The following FMN1 variants were observed in gnomAD, a reference collection of about 807,000 sequenced individuals.
FMN1 encodes formin-1.
A neutral mutation model predicts 132.4 loss-of-function variants in FMN1; 110 were observed. That is an observed-to-expected ratio of 0.83 (90% CI 0.71 to 0.97). FMN1 has a LOEUF of 0.97. Ranked by LOEUF, FMN1 falls within the 50% of genes least tolerant of loss-of-function variation. FMN1 has a pLI of 0.00. For synonymous variants in FMN1, 722 were observed against 651.7 expected, an observed-to-expected ratio of 1.11 and a Z score of -1.64; for missense variants, 1,792 against 1,705.3, an observed-to-expected ratio of 1.05 and a Z score of -0.90.
intron 5 of FMN1, among the ~76,000 whole-genome samples, chr15:33,082,304 C>A (rs1366789897): frequency 6.6e-6 from 1 of 152,100 alleles, no homozygotes. Context: ...AACTCCCGAC[C>A]TCAGGTGATC....
rs1036660149 is a variant in FMN1, at chr15:32,769,052, C to G, written c.*5258G>C. The G allele has an allele frequency of 2.0e-5, 3 of 152,138 alleles. No homozygotes were observed. Among genetic ancestry groups the G allele is most frequent in the African/African-American group, 7.2e-5 (3 of 41,424 alleles). The allele number at this position is 152,138 out of a possible 1,614,324, so 9.4% of individuals were successfully genotyped here. On this transcript the variant is annotated 3_prime_UTR_variant, in exon 21 of 21. Transcript: ENST00000616417. ...CTGGGGATAGAGGAGGAAATGAGTT[C>G]CGTAAGTTCCACCAGACAGCAGACC...
rs1407680523 is a variant in FMN1 at position 33,008,007 on chromosome 15, G to C, written c.2223+7C>G. ...AGAACCCGTTCAGTAGCATCAAAGA[G>C]GCATACCTGCAGGTTTTCAATTTCT... On this transcript the variant is annotated splice_region_variant and intron_variant, in intron 7 of 20. Transcript: ENST00000616417. 1 of 1,596,402 alleles carries C rather than the reference G, an allele frequency of 6.3e-7. No homozygotes were observed.
chr15:33,145,772 G>A (rs1171818489), intron 4 of FMN1, among the ~76,000 whole-genome samples: 1 of 151,726 alleles, frequency 6.6e-6, no homozygotes, highest in East Asian at 1.9e-4. Context: ...CATAGCTGAG[G>A]CCCAAGCTGC....
rs114617811 is a variant in FMN1 at position 32,817,042 on chromosome 15, C to T, written c.3929-12710G>A. On this transcript the variant is annotated intron_variant, in intron 17 of 20. Transcript: ENST00000616417. ...AAACTAAGAGAAGAAAGAAGCCATA[C>T]TTATACATGATTTACAATATACAGC... 5.0e-3 allele frequency among the ~76,000 whole-genome samples: 764 copies of T among 152,308 alleles called. 7 individuals are homozygous for T. Among genetic ancestry groups the T allele is most frequent in the African/African-American group, 0.017 (711 of 41,580 alleles).
chr15:32,771,006 C>T lies in FMN1; in HGVS notation c.*3304G>A, dbSNP rs1438931891. The T allele has an allele frequency of 1.3e-5, 2 of 151,832 alleles. No homozygotes were observed. Among genetic ancestry groups the T allele is most frequent in the East Asian group, 3.9e-4 (2 of 5,136 alleles). The allele number at this position is 151,832 out of a possible 1,614,324, so 9.4% of individuals were successfully genotyped here. Reference sequence around the variant, plus strand: ...GCCACACTTTTTCTTATTTCTTTTTCCCCAGTAAGCTGCCACTTATTGAGA... The same window carrying T: ...GCCACACTTTTTCTTATTTCTTTTTTCCCAGTAAGCTGCCACTTATTGAGA... On this transcript the variant is annotated 3_prime_UTR_variant, in exon 21 of 21. Transcript: ENST00000616417.
At chr15:32,872,701 G>C (rs2059544246) in intron 16 of FMN1, among the ~76,000 whole-genome samples, 1 of 152,180 alleles carries the variant, frequency 6.6e-6, no homozygotes, top group African/African-American at 2.4e-5. Flanking sequence ...GCTACAAAGA[G>C]GCCAGTGATT....
chr15:33,083,963 G>T (rs1277130120), intron 5 of FMN1, among the ~76,000 whole-genome samples: 1 of 152,132 alleles, frequency 6.6e-6, no homozygotes, highest in African/African-American at 2.4e-5. Context: ...ACAGTGCCAT[G>T]ACAGTTTGCA....
At chr15:32,961,430 G>A (rs1467055623) in intron 9 of FMN1, among the ~76,000 whole-genome samples, 1 of 152,028 alleles carries the variant, frequency 6.6e-6, no homozygotes, top group Non-Finnish European at 1.5e-5. Context: ...CACCGTACCC[G>A]GCCTGTAATC....
At chr15:33,115,939 C>G (rs2140148108) in intron 4 of FMN1, among the ~76,000 whole-genome samples, 1 of 152,222 alleles carries the variant, frequency 6.6e-6, no homozygotes, top group East Asian at 1.9e-4. Context: ...ACTAGATTCT[C>G]TCACACACCT....
intron 6 of FMN1, among the ~76,000 whole-genome samples, chr15:33,048,544 A>G (rs1273685988): frequency 6.6e-6 from 1 of 151,638 alleles, no homozygotes; most frequent in African/African-American, 2.4e-5. Flanking sequence ...TACTAAAAAA[A>G]AAGTTTTACA....
rs555316816 is a variant in FMN1, at chr15:32,930,048, G to T, written c.3139-3787C>A. 2.4e-4 allele frequency among the ~76,000 whole-genome samples: 32 copies of T among 135,248 alleles called. No individual in the cohort carries two copies. The South Asian group carries it at 7.2e-3, about 30-fold the overall frequency. The allele number at this position is 135,248 out of a possible 152,430, so 88.7% of individuals were successfully genotyped here. ...TCTGTCATCTAGGCTGGAGTGCAGA[G>T]GCTTGATCTCGCCTCACTGCAAGCT... On this transcript the variant is annotated intron_variant, in intron 9 of 20. Coordinates refer to ENST00000616417, the MANE Select transcript of FMN1 (RefSeq NM_001277313.2).
chr15:32,980,993 A>G (rs1458394337), intron 7 of FMN1, among the ~76,000 whole-genome samples: 1 of 152,218 alleles, frequency 6.6e-6, no homozygotes, highest in Non-Finnish European at 1.5e-5. Context: ...CAGCCTGGGC[A>G]GCAGAGTGAA....
chr15:33,156,231 G>C (rs1964662893), intron 3 of FMN1, among the ~76,000 whole-genome samples: 1 of 148,898 alleles, frequency 6.7e-6, no homozygotes, highest in Non-Finnish European at 1.5e-5. Context: ...GAGAGGCCTT[G>C]CCTCTTTCAC....
chr15:33,172,207 C>CA (rs375714453), intron 3 of FMN1, among the ~76,000 whole-genome samples: 1,741 of 100,926 alleles, frequency 0.017, 19 homozygotes, highest in African/African-American at 0.048. Context: ...GACTCCGTCT[C>CA]AAAAAAAAAA....
intron 2 of FMN1, among the ~76,000 whole-genome samples, chr15:33,185,323 T>C (rs1340950803): frequency 6.6e-6 from 1 of 152,168 alleles, no homozygotes; most frequent in African/African-American, 2.4e-5. Context: ...GTAGTCCTAT[T>C]GGTTCCTTAA....
chr15:33,118,275 T>C (rs181263742), intron 4 of FMN1, among the ~76,000 whole-genome samples: 2 of 152,324 alleles, frequency 1.3e-5, no homozygotes, highest in African/African-American at 4.8e-5. Flanking sequence ...TCATTTGTTA[T>C]ATTAATAACT....
At chr15:33,090,413 T>G (rs2141365984) in intron 4 of FMN1, among the ~76,000 whole-genome samples, 1 of 152,278 alleles carries the variant, frequency 6.6e-6, no homozygotes, top group Non-Finnish European at 1.5e-5. Context: ...AAGGTTTGGC[T>G]GTTGTTTGCC....
intron 15 of FMN1, among the ~76,000 whole-genome samples, chr15:32,898,249 C>T (rs974791147): frequency 2.0e-5 from 3 of 152,222 alleles, no homozygotes; most frequent in South Asian, 2.1e-4. Context: ...TATTTCTTAA[C>T]ATCTTACAAC....
At chr15:32,968,659 C>T (rs2031469286) in intron 8 of FMN1, 55 bp downstream of exon 8, 11 of 1,604,330 alleles carry the variant, frequency 6.9e-6, no homozygotes, top group Middle Eastern at 1.7e-4. Flanking sequence ...TAAAATATCA[C>T]TTGGGCCAAA....
Sources: gnomAD v4.1 joint callset for allele counts (sites outside exome capture counted in the v4.1 genomes callset) on GRCh38, gnomAD v4.1.1 for gene constraint, MANE v1.5 for transcripts, NCBI Gene and HGNC (gene_info 2026-07-23, HGNC 2026-07-21) for gene names.